SLC15A2: variants seen among roughly 807,000 people sequenced by gnomAD.
The protein encoded by SLC15A2 is solute carrier family 15 member 2, also known as kidney H(+)/peptide cotransporter.
SLC15A2 carries 77 observed loss-of-function variants against 95.5 expected under a neutral mutation model. That is an observed-to-expected ratio of 0.81 (90% CI 0.67 to 0.97). SLC15A2 has a LOEUF of 0.97. SLC15A2 is among the 50% of genes least tolerant of loss of function. The pLI is 0.00. For synonymous variants in SLC15A2, 306 were observed against 306.9 expected (o/e 1.00, Z 0.03); for missense variants, 893 against 874.4 (o/e 1.02, Z -0.27).
intron 7 of SLC15A2, among the ~76,000 whole-genome samples, chr3:121,921,253 C>T (rs1261432243): frequency 6.6e-6 from 1 of 152,120 alleles, no homozygotes; most frequent in African/African-American, 2.4e-5. Context: ...TGGGAAACGG[C>T]AGGTTGAGGT....
At chr3:121,921,976 G>GCTC (rs1710014469) in intron 7 of SLC15A2, among the ~76,000 whole-genome samples, 1 of 152,104 alleles carries the variant, frequency 6.6e-6, no homozygotes, top group Non-Finnish European at 1.5e-5. Context: ...TCTTCTCTTG[G>GCTC]CTCCTGCAAT....
intron 4 of SLC15A2, among the ~76,000 whole-genome samples, chr3:121,912,095 T>A (rs904650226): frequency 6.6e-6 from 1 of 152,250 alleles, no homozygotes; most frequent in Non-Finnish European, 1.5e-5. Flanking sequence ...ATCAGAGGCA[T>A]TTGATAAATT....
rs980752931 is a variant in SLC15A2 at position 121,942,955 on chromosome 3, T to A, written c.*1948T>A. On this transcript the variant is annotated 3_prime_UTR_variant, in exon 22 of 22. Transcript: ENST00000489711. Reference sequence around the variant, plus strand: ...CCTCCTACCATTGTTTTTTTTCCCCTGTAGCTAACAAGAATAAGTATAACA... The same window carrying A: ...CCTCCTACCATTGTTTTTTTTCCCCAGTAGCTAACAAGAATAAGTATAACA... 6.6e-6 allele frequency: 1 copy of A among 152,216 alleles called. No homozygotes were observed. The highest frequency in any genetic ancestry group is 2.4e-5 in the African/African-American group (1 of 41,458). 9.4% of individuals were successfully genotyped at this position (152,216 alleles called of 1,614,324 possible).
At position 121,896,462 on chromosome 3, in the gene SLC15A2, C is replaced by T. The variant is rs1249369629; in HGVS notation, c.162C>T (p.Phe54=). ...TTGCCTTCATTGTGGTGAATGAATT[C>T]TGCGAGCGCTTTTCCTATTATGGAA... ...LSIAFIVVNE[F]CERFSYYGMK... The change falls in exon 2 of 22, where the codon TTC becomes TTT. Residue 54 remains phenylalanine, a synonymous_variant. Coordinates refer to ENST00000489711, the MANE Select transcript of SLC15A2 (RefSeq NM_021082.4). The T allele has an allele frequency of 1.2e-6, 2 of 1,614,110 alleles. No individual in the cohort carries two copies.
At chr3:121,924,427 A>T (rs1160561209) in intron 12 of SLC15A2, 44 bp downstream of exon 12, 1 of 1,535,548 alleles carries the variant, frequency 6.5e-7, no homozygotes, top group Non-Finnish European at 9.0e-7. Flanking sequence ...TTGTTTCCTT[A>T]TCTATGCCTC....
rs752955465 is a variant in SLC15A2 at position 121,913,065 on chromosome 3, G to A, written c.473G>A (p.Gly158Glu). The A allele has an allele frequency of 7.4e-5, 120 of 1,613,702 alleles. No individual in the cohort carries two copies. Among genetic ancestry groups the A allele is most frequent in the Non-Finnish European group, 9.7e-5 (115 of 1,179,802 alleles). The change falls in exon 5 of 22, where the codon GGA (glycine) becomes GAA (glutamate). Residue 158 changes from glycine to glutamate, a missense_variant. Transcript: ENST00000489711. ...IGLSLIALGT[G>E]GIKPCVAAFG... The stretch of plus-strand genomic sequence containing the variant: ...CTGAGTCTAATAGCTTTGGGGACAG[G>A]AGGCATCAAACCCTGTGTGGCAGCT...
At chr3:121,905,135 A>G (rs1021612721) in intron 3 of SLC15A2, among the ~76,000 whole-genome samples, 2 of 152,242 alleles carry the variant, frequency 1.3e-5, no homozygotes, top group Non-Finnish European at 2.9e-5. Flanking sequence ...GTTTATTTGC[A>G]TAGAGGTGTT....
intron 3 of SLC15A2, among the ~76,000 whole-genome samples, chr3:121,905,311 G>T (rs182301721): frequency 1.3e-5 from 2 of 151,950 alleles, no homozygotes; most frequent in African/African-American, 4.8e-5. Flanking sequence ...TCCTGGATTC[G>T]TTGATTTTTT....
chr3:121,939,570 T>A, intron 20 of SLC15A2, 75 bp downstream of exon 20: 1 of 1,289,922 alleles, frequency 7.8e-7, no homozygotes, highest in Non-Finnish European at 1.0e-6. Flanking sequence ...TAGCACTGAC[T>A]TAAATAGGTA....
At chr3:121,931,563 G>C in intron 18 of SLC15A2, 76 bp from the exon 19 acceptor site, 2 of 864,820 alleles carry the variant, frequency 2.3e-6, no homozygotes, top group Non-Finnish European at 1.9e-6. Context: ...AGAGAGATGA[G>C]ATCACTTTCA....
chr3:121,915,980 C>T (rs1367999502), intron 7 of SLC15A2, among the ~76,000 whole-genome samples: 1 of 152,032 alleles, frequency 6.6e-6, no homozygotes, highest in East Asian at 1.9e-4. Context: ...TTTAGTATCT[C>T]GGGTCATTCT....
chr3:121,896,463 T>C lies in SLC15A2; in HGVS notation c.163T>C (p.Cys55Arg). Reference sequence around the variant, plus strand: ...TGCCTTCATTGTGGTGAATGAATTCTGCGAGCGCTTTTCCTATTATGGAAT... The same window carrying C: ...TGCCTTCATTGTGGTGAATGAATTCCGCGAGCGCTTTTCCTATTATGGAAT... Reference protein sequence around the residue: ...SIAFIVVNEFCERFSYYGMKA... With the variant: ...SIAFIVVNEFRERFSYYGMKA... The change falls in exon 2 of 22, where the codon TGC becomes CGC. Residue 55 changes from cysteine to arginine, a missense_variant. Transcript: ENST00000489711. 6.2e-7 allele frequency: 1 copy of C among 1,614,158 alleles called. No individual in the cohort carries two copies. Among genetic ancestry groups the C allele is most frequent in the Non-Finnish European group, 8.5e-7 (1 of 1,179,994 alleles).
Position 121,941,831 on chromosome 3 carries a change from A to G in SLC15A2, c.*824A>G, listed in dbSNP as rs1710469579. 2.6e-5 allele frequency: 4 copies of G among 152,202 alleles called. No individual in the cohort carries two copies. The South Asian group carries it at 8.3e-4, about 31-fold the overall frequency. The allele number at this position is 152,202 out of a possible 1,614,324, so 9.4% of individuals were successfully genotyped here. A position where few individuals can be genotyped will look rare whatever the true frequency, so the allele number is the denominator to read the frequency against. On this transcript the variant is annotated 3_prime_UTR_variant, in exon 22 of 22. Coordinates refer to ENST00000489711, the MANE Select transcript of SLC15A2 (RefSeq NM_021082.4). Reference sequence around the variant, plus strand: ...GGCGCTGGTCTATGCCCTTCAGTGAACAGTTGTATAAACAATAATTATAAT... The same window carrying G: ...GGCGCTGGTCTATGCCCTTCAGTGAGCAGTTGTATAAACAATAATTATAAT...
Position 121,894,412 on chromosome 3 carries a change from GC to G in SLC15A2, c.-64del. Reference sequence around the variant, plus strand: ...CAGTCCTTCTTTTCAGAGTAGGCTGGCAGCTGTCCTAACTGCCTACTAAAGC... The same window carrying G: ...CAGTCCTTCTTTTCAGAGTAGGCTGGAGCTGTCCTAACTGCCTACTAAAGC... On this transcript the variant is annotated 5_prime_UTR_variant, in exon 1 of 22. Coordinates refer to ENST00000489711, the MANE Select transcript of SLC15A2 (RefSeq NM_021082.4). 1 of 1,259,136 alleles carries G rather than the reference GC, an allele frequency of 7.9e-7. No individual in the cohort carries two copies. Among genetic ancestry groups the G allele is most frequent in the Non-Finnish European group, 1.1e-6 (1 of 882,194 alleles). 78.0% of individuals were successfully genotyped at this position (1,259,136 alleles called of 1,614,324 possible). A position where few individuals can be genotyped will look rare whatever the true frequency, so the allele number is the denominator to read the frequency against.
intron 5 of SLC15A2, among the ~76,000 whole-genome samples, chr3:121,913,785 T>A (rs558336720): frequency 6.6e-6 from 1 of 152,308 alleles, no homozygotes; most frequent in East Asian, 1.9e-4. Context: ...GGCAAGGAAA[T>A]AGTCTATTTC....
chr3:121,904,284 T>A lies in SLC15A2; in HGVS notation c.335+6755T>A, dbSNP rs142045387. On this transcript the variant is annotated intron_variant, in intron 3 of 21. Coordinates refer to ENST00000489711, the MANE Select transcript of SLC15A2 (RefSeq NM_021082.4). Reference sequence around the variant, plus strand: ...GTGGGGTTTTCTAGATATACAATCATGTCATCTGCAAACAGGGACATTTTG... The same window carrying A: ...GTGGGGTTTTCTAGATATACAATCAAGTCATCTGCAAACAGGGACATTTTG... Among the ~76,000 whole-genome samples the A allele has an allele frequency of 1.8e-3, 270 of 152,346 alleles. 3 individuals carry two copies. In the East Asian group the frequency reaches 0.036, roughly 20 times the overall value.
At position 121,927,808 on chromosome 3, in the gene SLC15A2, C is replaced by T. The variant is rs779421907; in HGVS notation, c.1175C>T (p.Ala392Val). ...ATGATCCTAGCATGCCTGGCATTTG[C>T]AGTTGCGGCAGCTGTAGAGATAAAA... ...VGMILACLAF[A>V]VAAAVEIKIN... The change falls in exon 14 of 22, where the codon GCA becomes GTA. Residue 392 changes from alanine to valine, a missense_variant. Transcript: ENST00000489711. The T allele has an allele frequency of 5.6e-6, 9 of 1,613,734 alleles. No individual in the cohort carries two copies. Among genetic ancestry groups the T allele is most frequent in the East Asian group, 2.2e-5 (1 of 44,876 alleles).
chr3:121,919,903 C>T (rs1249620461), intron 7 of SLC15A2, among the ~76,000 whole-genome samples: 4 of 152,062 alleles, frequency 2.6e-5, no homozygotes, highest in Admixed American at 6.6e-5. Context: ...AAATTAGCTG[C>T]GGATAGGAGG....
chr3:121,899,625 A>C (rs1709486721), intron 3 of SLC15A2, among the ~76,000 whole-genome samples: 1 of 152,204 alleles, frequency 6.6e-6, no homozygotes, highest in Non-Finnish European at 1.5e-5. Flanking sequence ...ATAATGCAAT[A>C]TAATCCAATT....
Sources: allele counts gnomAD v4.1 joint callset (sites outside exome capture counted in the v4.1 genomes callset), GRCh38; gene constraint gnomAD v4.1.1; transcripts MANE v1.5; gene names NCBI Gene and HGNC (gene_info 2026-07-23, HGNC 2026-07-21).